ITFG2: variants seen among roughly 807,000 people sequenced by gnomAD.
ITFG2 encodes the protein integrin alpha FG-GAP repeat containing 2.
A neutral mutation model predicts 54.4 loss-of-function variants in ITFG2; 36 were observed. The ratio of observed to expected loss-of-function variants is 0.66; its 90% CI spans 0.51 to 0.87. The LOEUF (loss-of-function observed/expected upper bound fraction) is 0.87, where lower values mean the gene tolerates loss of function less well. ITFG2 is among the 40% of genes least tolerant of loss of function. The probability of loss-of-function intolerance (pLI) is 0.00; values close to 1 mark genes in which losing one functional copy is unlikely to be tolerated. For missense variants in ITFG2, 524 were observed against 576.7 expected (o/e 0.91, Z 0.94); for synonymous variants, 211 against 225.4 (o/e 0.94, Z 0.57).
chr12:2,849,164 G>C, intron 2 of ITFG2: 5 of 1,445,762 alleles, frequency 3.5e-6, no homozygotes, highest in Non-Finnish European at 4.6e-6. Flanking sequence ...CTTGCTGAAG[G>C]AGCATTGATT....
rs1383900055 is a variant in ITFG2 at position 2,824,452 on chromosome 12, T to C, written c.*259T>C. The C allele has an allele frequency of 4.1e-6, 2 of 484,960 alleles. No individual in the cohort carries two copies. The highest frequency in any genetic ancestry group is 2.0e-5 in the African/African-American group (1 of 51,142). The allele number at this position is 484,960 out of a possible 1,614,324, so 30.0% of individuals were successfully genotyped here. On this transcript the variant is annotated 3_prime_UTR_variant, in exon 12 of 12. Coordinates refer to ENST00000228799, the MANE Select transcript of ITFG2 (RefSeq NM_018463.4). ...TCATGCCAGCAGGGTCATAGGACCC[T>C]GGCCTTGTTCCAAATCATCTGGGAC...
Position 2,820,224 on chromosome 12 carries a change from A to G in ITFG2, c.545A>G (p.Gln182Arg). Residue 182 changes from glutamine to arginine, a missense_variant and splice_region_variant, in exon 5 of 12, where the codon CAG (glutamine) becomes CGG (arginine). By Grantham distance (43) the Gln-to-Arg change is conservative (BLOSUM62 1). Coordinates refer to ENST00000228799, the MANE Select transcript of ITFG2 (RefSeq NM_018463.4). ...CTCAAGAAATGGATGCTGGAGGGTC[A>G]GGTAAGAAGCTGACTCTGGGGAACA... ...VSLKKWMLEG[Q>R]VDSLSVTLGP... 4 of 1,594,744 alleles carry G rather than the reference A, an allele frequency of 2.5e-6. No individual in the cohort carries two copies. The highest frequency in any genetic ancestry group is 3.4e-6 in the Non-Finnish European group (4 of 1,170,682).
chr12:2,823,462 G>A (rs914487002), intron 10 of ITFG2, among the ~76,000 whole-genome samples: 4 of 152,202 alleles, frequency 2.6e-5, no homozygotes, highest in Non-Finnish European at 4.4e-5. Flanking sequence ...GCCCTTGGGC[G>A]AGCAATGCCA....
chr12:2,850,544 T>G (rs899452096), intron 2 of ITFG2, among the ~76,000 whole-genome samples: 1 of 151,992 alleles, frequency 6.6e-6, no homozygotes, highest in Non-Finnish European at 1.5e-5. Context: ...ATGTAAATGT[T>G]GTATTTCCTC....
chr12:2,836,921 C>G (rs1426487980), exon 1 of ITFG2: 1 of 152,234 alleles, frequency 6.6e-6, no homozygotes, highest in Non-Finnish European at 1.5e-5. Context: ...CCAACCCTGC[C>G]AACACCTTCC....
At chr12:2,820,547 GC>G (rs1171139622) in intron 5 of ITFG2, among the ~76,000 whole-genome samples, 176 bp from the exon 6 acceptor site, 1 of 152,040 alleles carries the variant, frequency 6.6e-6, no homozygotes, top group East Asian at 1.9e-4. Flanking sequence ...CCAGGCAGGA[GC>G]CCTGGAAACT....
At chr12:2,848,071 A>G (rs763650587) in intron 2 of ITFG2, among the ~76,000 whole-genome samples, 1 of 152,232 alleles carries the variant, frequency 6.6e-6, no homozygotes, top group East Asian at 1.9e-4. Flanking sequence ...CAGGTGAGGA[A>G]CCTGAAAGCC....
At chr12:2,823,715 C>A in intron 10 of ITFG2, 55 bp from the exon 11 acceptor site, 1 of 1,504,366 alleles carries the variant, frequency 6.6e-7, no homozygotes, top group South Asian at 1.4e-5. Flanking sequence ...CTGTCTGCCC[C>A]CCACTGTCGG....
chr12:2,822,532 G>T (rs913531630), intron 9 of ITFG2, among the ~76,000 whole-genome samples: 2 of 152,290 alleles, frequency 1.3e-5, no homozygotes, highest in Non-Finnish European at 2.9e-5. Flanking sequence ...AGGAGAAGAG[G>T]CAGACCTGGG....
downstream of ITFG2, chr12:2,828,324 A>G (rs776702225): frequency 9.9e-6 from 16 of 1,613,356 alleles, no homozygotes; most frequent in Admixed American, 5.0e-5. Context: ...TTTGGGCCAC[A>G]TTCTTACCCC....
At chr12:2,821,050 C>CT in intron 6 of ITFG2, among the ~76,000 whole-genome samples, 178 bp downstream of exon 6, 1 of 152,320 alleles carries the variant, frequency 6.6e-6, no homozygotes, top group Non-Finnish European at 1.5e-5. Flanking sequence ...ATCCTGGGCT[C>CT]TAACTTTGTA....
chr12:2,827,879 A>G (rs1160952132), downstream of ITFG2: 4 of 1,612,694 alleles, frequency 2.5e-6, no homozygotes, highest in Non-Finnish European at 3.4e-6. This position sits in a 1 kb window ranked among gnomAD's most constrained non-coding sequence, Gnocchi z 4.0. Context: ...CACCCCAAAG[A>G]GAAAGGTGAG....
At chr12:2,827,740 C>T, downstream of ITFG2, 5 of 1,612,180 alleles carry the variant, frequency 3.1e-6, no homozygotes, top group South Asian at 1.1e-5. The surrounding 1 kb of genome is among the most constrained non-coding windows in gnomAD (Gnocchi z 4.0). Flanking sequence ...CTGCCCTCCT[C>T]TTAGCCGTTG....
rs779453012 is a variant in ITFG2, at chr12:2,858,934, T to C, written n.621-600T>C. 5.1e-5 allele frequency: 83 copies of C among 1,613,482 alleles called. No homozygotes were observed. Among genetic ancestry groups the C allele is most frequent in the Admixed American group, 1.0e-4 (6 of 59,958 alleles). On this transcript the variant is annotated intron_variant and non_coding_transcript_variant, in intron 3 of 3. Coordinates refer to the ITFG2 transcript ENST00000537710. ...TGCGGTGATTCAAGGGGGGGAGCACTTTGCAAGGGAGTGGTGCTGAGATCC... is the reference window on the plus strand; with the variant it reads ...TGCGGTGATTCAAGGGGGGGAGCACCTTGCAAGGGAGTGGTGCTGAGATCC...
At position 2,820,836 on chromosome 12, in the gene ITFG2, C is replaced by A. The variant is rs2153924537; in HGVS notation, c.659C>A (p.Ser220Tyr). The change falls in exon 6 of 12, where the codon TCC becomes TAC. Residue 220 changes from serine (S) to tyrosine (Y), a missense_variant. Coordinates refer to ENST00000228799, the MANE Select transcript of ITFG2 (RefSeq NM_018463.4). ...TGTACCTGGAAAAAGGACACTGGGT[C>A]CCCTCCTGCCTCTGAAGGGCCCACG... Reference protein sequence around the residue: ...LLCTWKKDTGSPPASEGPTDG... With the variant: ...LLCTWKKDTGYPPASEGPTDG... The A allele has an allele frequency of 6.2e-7, 1 of 1,614,020 alleles. No homozygotes were observed. The highest frequency in any genetic ancestry group is 1.3e-5 in the African/African-American group (1 of 75,012).
At chr12:2,812,921 A>G (rs1246369267) in intron 1 of ITFG2, 65 bp downstream of exon 1, 5 of 1,390,804 alleles carry the variant, frequency 3.6e-6, no homozygotes, top group East Asian at 4.7e-5. Flanking sequence ...GGGAAGTGGA[A>G]GAGGCCGCCC....
At chr12:2,830,006 G>T (rs1423223399), downstream of ITFG2, among the ~76,000 whole-genome samples, 1 of 151,690 alleles carries the variant, frequency 6.6e-6, no homozygotes, top group African/African-American at 2.4e-5. Context: ...GAACCCAGGA[G>T]GCAGAGGCTG....
At position 2,820,156 on chromosome 12, in the gene ITFG2, G is replaced by A. The variant is rs774801587; in HGVS notation, c.477G>A (p.Glu159=). ...DRVVRAFRWE[E]LGEGPEHLTG... ...TGGTGCGAGCTTTCCGCTGGGAGGA[G>A]CTAGGTGAGGGTCCTGAACATCTGA... The change falls in exon 5 of 12, where the codon GAG becomes GAA. Residue 159 remains glutamate, a synonymous_variant. Coordinates refer to ENST00000228799, the MANE Select transcript of ITFG2 (RefSeq NM_018463.4). The A allele has an allele frequency of 4.3e-6, 7 of 1,614,042 alleles. No individual in the cohort carries two copies. Among genetic ancestry groups the A allele is most frequent in the Admixed American group, 3.3e-5 (2 of 60,006 alleles).
chr12:2,819,958 C>A, intron 4 of ITFG2, 128 bp from the exon 5 acceptor site: 2 of 1,226,268 alleles, frequency 1.6e-6, no homozygotes, highest in Non-Finnish European at 1.1e-6. Context: ...CGGGGGCAGA[C>A]TGAGGGTGAA....
Sources: gnomAD v4.1 joint callset for allele counts (sites outside exome capture counted in the v4.1 genomes callset) on GRCh38, gnomAD v4.1.1 for gene constraint, Gnocchi (gnomAD v3.1) non-coding constraint, MANE v1.5 for transcripts, NCBI Gene and HGNC (gene_info 2026-07-23, HGNC 2026-07-21) for gene names.